The following EGF variants were observed in gnomAD, a reference collection of about 807,000 sequenced individuals.
The protein encoded by EGF is epidermal growth factor.
EGF carries 95 observed loss-of-function variants against 143.8 expected under a neutral mutation model. The observed-to-expected ratio is 0.66, with a 90% confidence interval of 0.56 to 0.78. The LOEUF is 0.78. Among genes scored for constraint, EGF ranks in the 30% least tolerant of loss-of-function variants. The pLI is 0.00. For synonymous variants in EGF, 510 were observed against 510.5 expected (o/e 1.00, Z 0.01); for missense variants, 1,320 against 1,470.9 (o/e 0.90, Z 1.68).
chr4:109,913,273 G>C lies in EGF; in HGVS notation c.-63G>C. On this transcript the variant is annotated 5_prime_UTR_variant, in exon 1 of 24. Coordinates refer to ENST00000265171, the MANE Select transcript of EGF (RefSeq NM_001963.6). ...ATCTGGGGTCAATCATACTCACCTT[G>C]CCCGGGCCATGCTCCAGCAAAATCA... 6.2e-7 allele frequency: 1 copy of C among 1,605,684 alleles called. No individual in the cohort carries two copies. The highest frequency in any genetic ancestry group is 8.5e-7 in the Non-Finnish European group (1 of 1,175,176).
At chr4:109,985,150 A>G (rs1037675960) in intron 16 of EGF, among the ~76,000 whole-genome samples, 2 of 152,200 alleles carry the variant, frequency 1.3e-5, no homozygotes, top group African/African-American at 4.8e-5. Flanking sequence ...TAAGTGACCA[A>G]AGTATTTGTG....
intron 18 of EGF, chr4:109,992,466 G>A (rs1028980440): frequency 6.6e-6 from 1 of 152,130 alleles, no homozygotes; most frequent in African/African-American, 2.4e-5. Context: ...GAGAGGATAT[G>A]GACAAATAGG....
intron 8 of EGF, among the ~76,000 whole-genome samples, chr4:109,962,598 G>A (rs1370680358): frequency 6.6e-6 from 1 of 152,192 alleles, no homozygotes; most frequent in African/African-American, 2.4e-5. Context: ...AGCTGCCAGT[G>A]CACTTGCTCC....
intron 1 of EGF, 30 bp downstream of exon 1, chr4:109,913,492 G>A: frequency 1.2e-6 from 2 of 1,610,220 alleles, no homozygotes; most frequent in Non-Finnish European, 1.7e-6. Context: ...GGTGCTCCAG[G>A]TCTCCGGGAA....
At chr4:110,006,788 C>T (rs1439546467) in intron 22 of EGF, among the ~76,000 whole-genome samples, 1 of 152,234 alleles carries the variant, frequency 6.6e-6, no homozygotes, top group African/African-American at 2.4e-5. Flanking sequence ...CCTGGGGCTG[C>T]TGAGCTCAGT....
At chr4:109,991,441 G>A (rs1750923679) in intron 18 of EGF, among the ~76,000 whole-genome samples, 1 of 152,086 alleles carries the variant, frequency 6.6e-6, no homozygotes, top group Non-Finnish European at 1.5e-5. Context: ...TGCAATGATG[G>A]GTTTATCATC....
intron 1 of EGF, among the ~76,000 whole-genome samples, chr4:109,914,221 C>G (rs1007425158): frequency 6.6e-6 from 1 of 152,096 alleles, no homozygotes; most frequent in Non-Finnish European, 1.5e-5. Context: ...TTATTTAATC[C>G]TTGGGTGAGC....
chr4:109,995,572 AC>A (rs1240137123), intron 20 of EGF, among the ~76,000 whole-genome samples: 1 of 152,208 alleles, frequency 6.6e-6, no homozygotes, highest in Non-Finnish European at 1.5e-5. Flanking sequence ...GGACCCTTTA[AC>A]AAAACCCAAA....
chr4:109,938,661 C>T (rs1186587718), intron 1 of EGF, among the ~76,000 whole-genome samples: 2 of 152,170 alleles, frequency 1.3e-5, no homozygotes, highest in African/African-American at 4.8e-5. Flanking sequence ...TTTTATCTAC[C>T]TTTGGTCTTT....
intron 22 of EGF, among the ~76,000 whole-genome samples, chr4:110,006,187 A>C (rs1027571289): frequency 2.0e-5 from 3 of 152,106 alleles, no homozygotes; most frequent in African/African-American, 7.2e-5. Context: ...AAAGATTAAA[A>C]AAAAAAACTT....
At chr4:109,994,957 C>T (rs1578378975) in intron 20 of EGF, 77 bp downstream of exon 20, 4 of 1,590,442 alleles carry the variant, frequency 2.5e-6, no homozygotes, top group South Asian at 1.1e-5. Flanking sequence ...GTAAAATTTA[C>T]ACTCAGGATG....
At chr4:109,994,030 T>TG (rs1578375457) in intron 19 of EGF, among the ~76,000 whole-genome samples, 1 of 140,230 alleles carries the variant, frequency 7.1e-6, no homozygotes, top group East Asian at 3.0e-4. Flanking sequence ...ACTTGGTCTC[T>TG]GTTTTTTTTT....
intron 1 of EGF, among the ~76,000 whole-genome samples, chr4:109,923,548 T>C (rs1738148682): frequency 6.6e-6 from 1 of 151,616 alleles, no homozygotes; most frequent in Non-Finnish European, 1.5e-5. Flanking sequence ...GTGTTTAGTG[T>C]CACTTAGGGG....
At chr4:109,961,191 C>CAA (rs999393736) in intron 7 of EGF, among the ~76,000 whole-genome samples, 6 of 125,012 alleles carry the variant, frequency 4.8e-5, no homozygotes, top group Non-Finnish European at 7.0e-5. Flanking sequence ...ACTAAAAATA[C>CAA]AAAAAAAAAA....
intron 5 of EGF, among the ~76,000 whole-genome samples, chr4:109,950,268 C>T (rs1323015603): frequency 6.6e-6 from 1 of 152,100 alleles, no homozygotes; most frequent in Non-Finnish European, 1.5e-5. Flanking sequence ...TGTCATCAGC[C>T]CAATGAATGG....
intron 20 of EGF, among the ~76,000 whole-genome samples, chr4:109,998,988 CA>C (rs1023338764): frequency 1.3e-5 from 2 of 152,054 alleles, no homozygotes; most frequent in African/African-American, 4.8e-5. Flanking sequence ...TCATTTACTT[CA>C]AAAAAGTTCA....
At position 110,012,367 on chromosome 4, in the gene EGF, GT is replaced by G. The variant is rs796545471; in HGVS notation, c.*926del. 0.46 allele frequency: 66,026 copies of G among 142,478 alleles called. 15,839 individuals carry two copies. The highest frequency in any genetic ancestry group is 0.64 in the African/African-American group (24,935 of 38,872). The allele number at this position is 142,478 out of a possible 1,614,324, so 8.8% of individuals were successfully genotyped here. A position where few individuals can be genotyped will look rare whatever the true frequency, so the allele number is the denominator to read the frequency against. On this transcript the variant is annotated 3_prime_UTR_variant, in exon 24 of 24. Coordinates refer to ENST00000265171, the MANE Select transcript of EGF (RefSeq NM_001963.6). ...AAGCTTGCTGATGTTTCTGTTTTTC[GT>G]TTTTTTTTTTTTTCCGGAGAGAGGA... is the stretch of plus-strand genomic sequence containing the variant.
chr4:109,919,338 T>TCTCA (rs1737362160), intron 1 of EGF, among the ~76,000 whole-genome samples: 5 of 119,314 alleles, frequency 4.2e-5, no homozygotes, highest in Non-Finnish European at 9.2e-5. Context: ...TCTCTCTCTC[T>TCTCA]CTCATCTCTC....
At position 109,923,080 on chromosome 4, in the gene EGF, C is replaced by T. The variant is rs376820613; in HGVS notation, c.127+9618C>T. ...AAAATTATCCTTTTTATTATCCTAA[C>T]ATGTGACAAAACTCCCCATTAATTA... On this transcript the variant is annotated intron_variant, in intron 1 of 23. Transcript: ENST00000265171. 1.8e-4 allele frequency among the ~76,000 whole-genome samples: 28 copies of T among 151,536 alleles called. 2 individuals are homozygous for T. Among genetic ancestry groups the T allele is most frequent in the East Asian group, 1.2e-3 (6 of 5,198 alleles).
Sources: allele counts gnomAD v4.1 joint callset (sites outside exome capture counted in the v4.1 genomes callset), GRCh38; gene constraint gnomAD v4.1.1; transcripts MANE v1.5; gene names NCBI Gene and HGNC (gene_info 2026-07-23, HGNC 2026-07-21).